The following CCL28 variants were observed in gnomAD, a reference collection of about 807,000 sequenced individuals.
CCL28 encodes the protein C-C motif chemokine ligand 28.
In CCL28, 4 loss-of-function variants were observed where a neutral mutation model predicts 7.1. The observed-to-expected ratio is 0.56, with a 90% CI of 0.28 to 1.29. The LOEUF is 1.29. CCL28 is among the 50% of genes most tolerant of loss of function. The pLI, the probability that CCL28 is intolerant of heterozygous loss-of-function variation, is 0.11. For missense variants in CCL28, 151 were observed against 163.4 expected, an observed-to-expected ratio of 0.92 and a Z score of 0.41; for synonymous variants, 55 against 57.8, an observed-to-expected ratio of 0.95 and a Z score of 0.22.
rs1253439819 is a variant in CCL28, at chr5:43,380,106, G to C, written c.*1754C>G. ...ACTGCACTCCAGCCTGGGCAACAGA[G>C]TGAGACTCTGTCTCAAAAAAAAACA... On this transcript the variant is annotated 3_prime_UTR_variant, in exon 3 of 3. Coordinates refer to ENST00000361115, the MANE Select transcript of CCL28 (RefSeq NM_148672.3). 1 of 152,170 alleles carries C rather than the reference G, an allele frequency of 6.6e-6. No individual in the cohort carries two copies. Among genetic ancestry groups the C allele is most frequent in the Non-Finnish European group, 1.5e-5 (1 of 68,078 alleles). The allele number at this position is 152,170 out of a possible 1,614,324, so 9.4% of individuals were successfully genotyped here.
At chr5:43,385,561 C>T (rs1740304225) in intron 2 of CCL28, among the ~76,000 whole-genome samples, 1 of 152,146 alleles carries the variant, frequency 6.6e-6, no homozygotes, top group African/African-American at 2.4e-5. Context: ...CCATACTAAA[C>T]TAATCTGAAA....
rs529305799 is a variant in CCL28, at chr5:43,379,230, G to A, written c.*2630C>T. ...AACTTTTATTAATGTTGGTTATCAC[G>A]GTTAATTAATTTAAAATGGAAAATA... On this transcript the variant is annotated 3_prime_UTR_variant, in exon 3 of 3. Coordinates refer to ENST00000361115, the MANE Select transcript of CCL28 (RefSeq NM_148672.3). 112 of 149,800 alleles carry A rather than the reference G, an allele frequency of 7.5e-4. 1 individual carries two copies. The highest frequency in any genetic ancestry group is 4.1e-4 in the Non-Finnish European group (28 of 67,656). 9.3% of individuals were successfully genotyped at this position (149,800 alleles called of 1,614,324 possible). A position where few individuals can be genotyped will look rare whatever the true frequency, so the allele number is the denominator to read the frequency against.
the CCL28 span, among the ~76,000 whole-genome samples, chr5:43,359,367 C>T: frequency 2.4e-4 from 37 of 152,240 alleles, no homozygotes; most frequent in African/African-American, 8.4e-4. Context: ...AGAGATGGGT[C>T]GAAATGAAAG....
At chr5:43,357,295 T>G in the CCL28 span, among the ~76,000 whole-genome samples, 1 of 152,180 alleles carries the variant, frequency 6.6e-6, no homozygotes. Flanking sequence ...ATACACTCTG[T>G]TTTTGTGGGA....
chr5:43,384,186 G>C (rs1282130383), intron 2 of CCL28: 1 of 153,778 alleles, frequency 6.5e-6, no homozygotes, highest in African/African-American at 2.4e-5. Context: ...AAAAATAAGA[G>C]AGATGGGATT....
chr5:43,387,786 T>TG (rs1740402250), intron 2 of CCL28, among the ~76,000 whole-genome samples: 1 of 152,112 alleles, frequency 6.6e-6, no homozygotes. Context: ...CCACCATGCC[T>TG]GGCTAGTTTT....
In CCL28 at chr5:43,381,910, T is replaced by C. The variant is rs147611356; in HGVS notation, c.334A>G (p.Arg112Gly). 4 of 1,614,208 alleles carry C rather than the reference T, an allele frequency of 2.5e-6. No homozygotes were observed. The African/African-American group carries it at 5.3e-5, about 22-fold the overall frequency. ...GTTTCGTGTTTCCCCTGATGTGCCC[T>C]GTTACTGTTCCTCTTGCCATGGTGT... is the stretch of plus-strand genomic sequence containing the variant. ...KKHHGKRNSN[R>G]AHQGKHETYG... Residue 112 changes from arginine (R) to glycine (G), a missense_variant, in exon 3 of 3, where the codon AGG (arginine) becomes GGG (glycine). Transcript: ENST00000361115.
intron 2 of CCL28, among the ~76,000 whole-genome samples, chr5:43,386,240 T>A (rs1300767338): frequency 6.6e-6 from 1 of 152,264 alleles, no homozygotes; most frequent in East Asian, 1.9e-4. Flanking sequence ...GCATTGTCTA[T>A]GAATTTTTTA....
At chr5:43,374,193 G>A (rs566968126), downstream of CCL28, among the ~76,000 whole-genome samples, 1 of 152,328 alleles carries the variant, frequency 6.6e-6, no homozygotes, top group Admixed American at 6.5e-5. Flanking sequence ...TGCCTACCAT[G>A]TGCTAAACAC....
intron 2 of CCL28, among the ~76,000 whole-genome samples, chr5:43,387,595 C>A (rs997475101): frequency 2.0e-5 from 3 of 151,650 alleles, no homozygotes; most frequent in African/African-American, 7.3e-5. Context: ...CTTTTTGAAC[C>A]TTTTCTTTTG....
intron 1 of CCL28, among the ~76,000 whole-genome samples, chr5:43,392,608 CT>C (rs1178526665): frequency 7.2e-5 from 11 of 152,274 alleles, no homozygotes; most frequent in Admixed American, 2.6e-4. Flanking sequence ...ACACTCATAC[CT>C]GCAGTTGATG....
the CCL28 span, among the ~76,000 whole-genome samples, chr5:43,369,355 G>T: frequency 6.6e-6 from 1 of 152,026 alleles, no homozygotes; most frequent in Non-Finnish European, 1.5e-5. Context: ...AATTGAGAAA[G>T]TACATTCTTG....
At chr5:43,400,208 T>C (rs6451690) in intron 1 of CCL28, among the ~76,000 whole-genome samples, 5,389 of 152,188 alleles carry the variant, frequency 0.035, 261 homozygotes, top group African/African-American at 0.11. Flanking sequence ...GTATTAAGTG[T>C]ATGGATGATT....
At chr5:43,362,673 C>T in the CCL28 span, among the ~76,000 whole-genome samples, 1 of 152,296 alleles carries the variant, frequency 6.6e-6, no homozygotes. Context: ...TAAATAATAT[C>T]TGCTGTGTCT....
At chr5:43,363,514 G>C in the CCL28 span, among the ~76,000 whole-genome samples, 1 of 152,208 alleles carries the variant, frequency 6.6e-6, no homozygotes, top group African/African-American at 2.4e-5. Flanking sequence ...TGAGTGGTAA[G>C]GTCTTGAGCA....
At chr5:43,369,036 A>AAGAGAGAG in the CCL28 span, among the ~76,000 whole-genome samples, 29 of 104,530 alleles carry the variant, frequency 2.8e-4, no homozygotes, top group African/African-American at 4.9e-4. Context: ...GAAAGAGAGA[A>AAGAGAGAG]AGAGAGAGAG....
At chr5:43,383,918 C>A in intron 2 of CCL28, 1 of 164,330 alleles carries the variant, frequency 6.1e-6, no homozygotes, top group South Asian at 1.1e-4. Flanking sequence ...GAACCCCTGT[C>A]TCTACTACTA....
At chr5:43,378,551 C>T (rs1739975997), downstream of CCL28, among the ~76,000 whole-genome samples, 1 of 152,118 alleles carries the variant, frequency 6.6e-6, no homozygotes, top group African/African-American at 2.4e-5. Flanking sequence ...AATACAGTAA[C>T]TCATGATATA....
At chr5:43,359,368 G>A in the CCL28 span, among the ~76,000 whole-genome samples, 966 of 152,318 alleles carry the variant, frequency 6.3e-3, 6 homozygotes, top group Non-Finnish European at 9.1e-3. Flanking sequence ...GAGATGGGTC[G>A]AAATGAAAGG....
Sources: allele counts gnomAD v4.1 joint callset (sites outside exome capture counted in the v4.1 genomes callset), GRCh38; gene constraint gnomAD v4.1.1; transcripts MANE v1.5; gene names NCBI Gene and HGNC (gene_info 2026-07-23, HGNC 2026-07-21).